Variants in OSBPL10 observed in about 807,000 individuals in gnomAD.
OSBPL10 encodes oxysterol-binding protein-related protein 10.
A neutral mutation model predicts 81.7 loss-of-function variants in OSBPL10; 49 were observed. The observed-to-expected ratio is 0.60, with a 90% confidence interval of 0.48 to 0.76. The LOEUF is 0.76. Among genes scored for constraint, OSBPL10 ranks in the 30% least tolerant of loss-of-function variants. The pLI is 0.00. For synonymous variants in OSBPL10, 419 were observed against 383.6 expected, an observed-to-expected ratio of 1.09 and a Z score of -1.08; for missense variants, 923 against 987.8, an observed-to-expected ratio of 0.93 and a Z score of 0.88.
chr3:31,985,856 A>C (rs1303739386), upstream of OSBPL10, among the ~76,000 whole-genome samples: 1 of 152,058 alleles, frequency 6.6e-6, no homozygotes, highest in Non-Finnish European at 1.5e-5. Flanking sequence ...TTAAATCCTC[A>C]CAACAACCAC....
At chr3:32,056,094 C>A (rs1699710295) in intron 1 of OSBPL10, among the ~76,000 whole-genome samples, 4 of 152,158 alleles carry the variant, frequency 2.6e-5, no homozygotes, top group African/African-American at 9.7e-5. Context: ...GTAAACAAAT[C>A]AGTCCTATCA....
At chr3:31,701,454 A>G (rs969227168) in intron 7 of OSBPL10, among the ~76,000 whole-genome samples, 3 of 152,174 alleles carry the variant, frequency 2.0e-5, no homozygotes, top group African/African-American at 7.2e-5. Context: ...AGCATTTCGT[A>G]AGGATAAGAT....
At chr3:31,949,770 A>T (rs1438329705) in intron 1 of OSBPL10, among the ~76,000 whole-genome samples, 1 of 151,362 alleles carries the variant, frequency 6.6e-6, no homozygotes, top group Non-Finnish European at 1.5e-5. Context: ...TGAGAGAGGT[A>T]ACTTCTGAAA....
intron 3 of OSBPL10, among the ~76,000 whole-genome samples, chr3:31,834,881 G>A (rs1325979954): frequency 6.6e-6 from 1 of 152,134 alleles, no homozygotes; most frequent in Non-Finnish European, 1.5e-5. Context: ...TCCAACACTT[G>A]CAAGCTGTGT....
chr3:31,813,658 C>T (rs13070151), intron 4 of OSBPL10, among the ~76,000 whole-genome samples: 100,144 of 151,808 alleles, frequency 0.66, 34,206 homozygotes, highest in East Asian at 0.93. Flanking sequence ...GGGGAGGGGA[C>T]GAGGTGCATG....
At chr3:31,808,095 ACC>A (rs1366702820) in intron 4 of OSBPL10, among the ~76,000 whole-genome samples, 4 of 152,168 alleles carry the variant, frequency 2.6e-5, no homozygotes, top group Non-Finnish European at 5.9e-5. Context: ...CCTGAGTTTC[ACC>A]CAGAATCAGT....
At chr3:32,014,681 GTATA>G (rs1331460536) in intron 2 of OSBPL10, among the ~76,000 whole-genome samples, 1 of 152,300 alleles carries the variant, frequency 6.6e-6, no homozygotes, top group East Asian at 1.9e-4. Context: ...TGACATGACT[GTATA>G]TCTAGAAAAC....
intron 1 of OSBPL10, among the ~76,000 whole-genome samples, chr3:31,914,004 C>T (rs998765368): frequency 1.3e-5 from 2 of 152,220 alleles, no homozygotes; most frequent in African/African-American, 2.4e-5. Context: ...CTCACTGAAA[C>T]CTCTGCCTCC....
chr3:32,059,971 G>A (rs1699742935), intron 1 of OSBPL10, among the ~76,000 whole-genome samples: 1 of 152,154 alleles, frequency 6.6e-6, no homozygotes, highest in Admixed American at 6.5e-5. Flanking sequence ...GGAGAGTGGA[G>A]GTAATGACTA....
intron 3 of OSBPL10, among the ~76,000 whole-genome samples, chr3:31,857,113 T>C (rs1283840500): frequency 3.3e-5 from 5 of 152,178 alleles, no homozygotes; most frequent in African/African-American, 1.2e-4. Flanking sequence ...GTGGCATTCA[T>C]ACCCCCTGCC....
intron 4 of OSBPL10, among the ~76,000 whole-genome samples, chr3:31,824,801 T>C (rs1365149053): frequency 1.3e-5 from 2 of 152,180 alleles, no homozygotes; most frequent in African/African-American, 2.4e-5. Flanking sequence ...AGCGGATATC[T>C]TGCAGTTGCG....
intron 7 of OSBPL10, among the ~76,000 whole-genome samples, chr3:31,689,379 T>C (rs1700883832): frequency 6.6e-6 from 1 of 152,186 alleles, no homozygotes; most frequent in Admixed American, 6.5e-5. Flanking sequence ...TATGAAATAA[T>C]ATTGCCTCAA....
chr3:31,987,984 G>C (rs954281317), intron 2 of OSBPL10, among the ~76,000 whole-genome samples: 1 of 152,208 alleles, frequency 6.6e-6, no homozygotes, highest in Admixed American at 6.5e-5. Context: ...GGATGATTAA[G>C]AGGGCAAAAC....
At chr3:31,686,399 CT>C (rs1319161895) in intron 7 of OSBPL10, among the ~76,000 whole-genome samples, 1 of 152,156 alleles carries the variant, frequency 6.6e-6, no homozygotes, top group Non-Finnish European at 1.5e-5. Context: ...TCCTTTAATG[CT>C]TTTCTATCTT....
chr3:31,888,589 C>T (rs1258469571), intron 1 of OSBPL10, among the ~76,000 whole-genome samples: 1 of 152,068 alleles, frequency 6.6e-6, no homozygotes, highest in Non-Finnish European at 1.5e-5. Context: ...GATTAATATC[C>T]AGTATATACA....
At chr3:31,924,010 A>G (rs2125709843) in intron 1 of OSBPL10, among the ~76,000 whole-genome samples, 1 of 152,228 alleles carries the variant, frequency 6.6e-6, no homozygotes, top group South Asian at 2.1e-4. Flanking sequence ...GAAGGTCGGG[A>G]GTTCAAGACC....
intron 8 of OSBPL10, among the ~76,000 whole-genome samples, chr3:31,678,808 G>A (rs1384105847): frequency 6.6e-6 from 1 of 151,412 alleles, no homozygotes; most frequent in Non-Finnish European, 1.5e-5. Context: ...GTGTGTGTGT[G>A]TGTGTGTGTG....
chr3:31,683,574 C>CT lies in OSBPL10; in HGVS notation c.1726+59dup. ...CTCCACACACAAAATTATCAATCAT[C>CT]TACCAGGTATAGAAACGTCACTGTG... On this transcript the variant is annotated intron_variant, in intron 8 of 11. Transcript: ENST00000396556. The CT allele has an allele frequency of 3.2e-6, 5 of 1,550,004 alleles. No homozygotes were observed. In the South Asian group the frequency reaches 4.8e-5, roughly 15 times the overall value.
chr3:31,845,634 A>G (rs1700610206), intron 3 of OSBPL10, among the ~76,000 whole-genome samples: 1 of 152,212 alleles, frequency 6.6e-6, no homozygotes, highest in Non-Finnish European at 1.5e-5. Flanking sequence ...TCTGTGTCAG[A>G]CTTCACCAAG....
Sources: gnomAD v4.1 joint callset for allele counts (sites outside exome capture counted in the v4.1 genomes callset) on GRCh38, gnomAD v4.1.1 for gene constraint, MANE v1.5 for transcripts, NCBI Gene and HGNC (gene_info 2026-07-23, HGNC 2026-07-21) for gene names.